Variants in DONSON observed in about 807,000 individuals in gnomAD.
DONSON encodes the protein DNA replication fork stabilization factor DONSON.
A neutral mutation model predicts 62.1 loss-of-function variants in DONSON; 43 were observed. That is an observed-to-expected ratio of 0.69 (90% CI 0.54 to 0.89). DONSON has a LOEUF of 0.89. DONSON is among the 40% of genes least tolerant of loss of function. The pLI, the probability that DONSON is intolerant of heterozygous loss-of-function variation, is 0.00. For synonymous variants in DONSON, 266 were observed against 264.6 expected (o/e 1.01, Z -0.05); for missense variants, 696 against 697.5 (o/e 1.00, Z 0.03).
In DONSON at chr21:33,583,530, A is replaced by G; in HGVS notation, c.922T>C (p.Ser308Pro). 6.2e-7 allele frequency: 1 copy of G among 1,613,840 alleles called. No homozygotes were observed. The highest frequency in any genetic ancestry group is 8.5e-7 in the Non-Finnish European group (1 of 1,179,968). Residue 308 changes from serine to proline, a missense_variant, in exon 5 of 10, where the codon TCT (serine) becomes CCT (proline). Coordinates refer to ENST00000303071, the MANE Select transcript of DONSON (RefSeq NM_017613.4). ...TCTCTTAAACCTCGAGTTGTTGGAG[A>G]TATGAGAGCTGTGATTAAGTCACTT... ...AGSDLITALI[S>P]PTTRGLREAM...
intron 4 of DONSON, among the ~76,000 whole-genome samples, chr21:33,584,014 T>TTA (rs57309977): frequency 0.092 from 11,125 of 121,190 alleles, 544 homozygotes; most frequent in Non-Finnish European, 0.13. Flanking sequence ...GGCTGCGTGT[T>TTA]TATATATATA....
chr21:33,580,239 G>GATGAATGGATGA (rs2086489905), intron 8 of DONSON, among the ~76,000 whole-genome samples: 1 of 146,280 alleles, frequency 6.8e-6, no homozygotes, highest in African/African-American at 2.5e-5. Flanking sequence ...TAAATAGATA[G>GATGAATGGATGA]ATGAATGAAT....
rs1569073099 is a variant in DONSON at position 33,577,672 on chromosome 21, CA to C, written c.*634del. 80 of 101,554 alleles carry C rather than the reference CA, an allele frequency of 7.9e-4. No homozygotes were observed. The highest frequency in any genetic ancestry group is 2.3e-3 in the African/African-American group (52 of 22,868). 6.3% of individuals were successfully genotyped at this position (101,554 alleles called of 1,614,324 possible). A position where few individuals can be genotyped will look rare whatever the true frequency, so the allele number is the denominator to read the frequency against. Reference sequence around the variant, plus strand: ...ACACACACACACACACACACACACACACACACACACACACACACACACACAC... The same window carrying C: ...ACACACACACACACACACACACACACCACACACACACACACACACACACAC... On this transcript the variant is annotated 3_prime_UTR_variant, in exon 10 of 10. Transcript: ENST00000303071.
intron 8 of DONSON, 21 bp downstream of exon 8, chr21:33,581,281 G>T: frequency 3.1e-6 from 5 of 1,609,190 alleles, no homozygotes; most frequent in Non-Finnish European, 3.4e-6. Flanking sequence ...TTAAAAGCTA[G>T]GTTATGCAGA....
intron 2 of DONSON, 54 bp downstream of exon 2, chr21:33,587,468 A>G: frequency 6.6e-7 from 1 of 1,507,278 alleles, no homozygotes; most frequent in Middle Eastern, 2.0e-4. Context: ...CTCAAATCCT[A>G]TGAAAAAAAA....
At position 33,587,596 on chromosome 21, in the gene DONSON, C is replaced by T. The variant is rs77196675; in HGVS notation, c.328G>A (p.Asp110Asn). 6.3e-7 allele frequency: 1 copy of T among 1,586,664 alleles called. No individual in the cohort carries two copies. The highest frequency in any genetic ancestry group is 8.6e-7 in the Non-Finnish European group (1 of 1,169,284). The change falls in exon 2 of 10, where the codon GAT becomes AAT. Residue 110 changes from aspartate (D) to asparagine (N), a missense_variant. Transcript: ENST00000303071. Reference sequence around the variant, plus strand: ...AGCAAATCATTTTCTTGATTAGAATCTAAAAACTGAGGTTAAATATATTCT... The same window carrying T: ...AGCAAATCATTTTCTTGATTAGAATTTAAAAACTGAGGTTAAATATATTCT... The part of the protein sequence containing the change: ...EQPEAPVPFL[D>N]SNQENDLLWE...
chr21:33,580,536 C>T (rs916910827), intron 8 of DONSON, among the ~76,000 whole-genome samples: 4 of 127,304 alleles, frequency 3.1e-5, no homozygotes, highest in East Asian at 5.3e-4. Context: ...GTCCGATACT[C>T]GAGAGGCTGA....
intron 8 of DONSON, among the ~76,000 whole-genome samples, chr21:33,580,811 G>A (rs1230426858): frequency 6.6e-6 from 1 of 152,032 alleles, no homozygotes; most frequent in Non-Finnish European, 1.5e-5. Flanking sequence ...GAACCCCAGA[G>A]TTGGAGGCTG....
chr21:33,588,229 C>T, intron 1 of DONSON, 92 bp downstream of exon 1: 1 of 1,059,490 alleles, frequency 9.4e-7, no homozygotes, highest in Non-Finnish European at 1.2e-6. Flanking sequence ...ATTTCCTTGC[C>T]TCGAACGCGA....
chr21:33,587,328 T>G, intron 2 of DONSON, 194 bp downstream of exon 2: 1 of 983,150 alleles, frequency 1.0e-6, no homozygotes, highest in Non-Finnish European at 1.2e-6. Flanking sequence ...ATCATTACTG[T>G]ATCAAACCAA....
intron 7 of DONSON, 150 bp downstream of exon 7, chr21:33,581,801 G>A (rs1289378970): frequency 1.4e-6 from 1 of 731,534 alleles, no homozygotes; most frequent in Non-Finnish European, 2.3e-6. Flanking sequence ...TTGATACTTA[G>A]GGGCTTATTT....
At chr21:33,582,119 G>A in intron 6 of DONSON, 46 bp downstream of exon 6, 1 of 1,610,836 alleles carries the variant, frequency 6.2e-7, no homozygotes, top group South Asian at 1.1e-5. Flanking sequence ...TCTATTTCAT[G>A]AGTCCATAAG....
chr21:33,577,688 CA>C lies in DONSON; in HGVS notation c.*618del, dbSNP rs374825441. 37 of 112,586 alleles carry C rather than the reference CA, an allele frequency of 3.3e-4. No individual in the cohort carries two copies. Among genetic ancestry groups the C allele is most frequent in the African/African-American group, 6.1e-4 (15 of 24,764 alleles). The allele number at this position is 112,586 out of a possible 1,614,324, so 7.0% of individuals were successfully genotyped here. The stretch of plus-strand genomic sequence containing the variant: ...ACACACACACACACACACACACACA[CA>C]CACACACACACACCCCTATAAGCAC... On this transcript the variant is annotated 3_prime_UTR_variant, in exon 10 of 10. Coordinates refer to ENST00000303071, the MANE Select transcript of DONSON (RefSeq NM_017613.4).
At position 33,581,964 on chromosome 21, in the gene DONSON, G is replaced by T. The variant is rs1251689801; in HGVS notation, c.1138C>A (p.Leu380Ile). ...CTGAAAGGATACAGCTTGATAGAAAGTATGTCTGGCTTTTTAATTTTATCT... is the reference window on the plus strand; with the variant it reads ...CTGAAAGGATACAGCTTGATAGAAATTATGTCTGGCTTTTTAATTTTATCT... ...VQDKIKKPDILSIKLRKEKHE... is the reference protein window; with the variant it reads ...VQDKIKKPDIISIKLRKEKHE... The change falls in exon 7 of 10, where the codon CTT becomes ATT. Residue 380 changes from leucine (L) to isoleucine (I), a missense_variant. Coordinates refer to ENST00000303071, the MANE Select transcript of DONSON (RefSeq NM_017613.4). 1 of 1,614,044 alleles carries T rather than the reference G, an allele frequency of 6.2e-7. No individual in the cohort carries two copies. The highest frequency in any genetic ancestry group is 8.5e-7 in the Non-Finnish European group (1 of 1,179,912).
In DONSON at chr21:33,587,539, C is replaced by G; in HGVS notation, c.385G>C (p.Val129Leu). 1.3e-6 allele frequency: 2 copies of G among 1,596,768 alleles called. No individual in the cohort carries two copies. Among genetic ancestry groups the G allele is most frequent in the Non-Finnish European group, 1.7e-6 (2 of 1,174,472 alleles). Residue 129 changes from valine to leucine, a missense_variant, in exon 2 of 10, where the codon GTT becomes CTT. By Grantham distance (32) the Val-to-Leu change is conservative. Coordinates refer to ENST00000303071, the MANE Select transcript of DONSON (RefSeq NM_017613.4). ...AGTATTACCTGAGGTAATTCAGTAA[C>G]AGTTGTTCTTTCAGGAAACTTCTCT... The part of the protein sequence containing the change: ...WEEKFPERTT[V>L]TELPQTSHVS...
At chr21:33,580,040 CA>C (rs1402197857) in intron 8 of DONSON, among the ~76,000 whole-genome samples, 1 of 151,146 alleles carries the variant, frequency 6.6e-6, no homozygotes, top group Non-Finnish European at 1.5e-5. Flanking sequence ...ATTAAAAATA[CA>C]AAAAAATTAG....
intron 4 of DONSON, among the ~76,000 whole-genome samples, chr21:33,584,129 C>G (rs1182467446): frequency 2.7e-5 from 4 of 149,242 alleles, no homozygotes; most frequent in African/African-American, 9.8e-5. Flanking sequence ...ACTGCAAGCT[C>G]TGCCTCCCAG....
At chr21:33,585,626 C>T (rs2086569163) in intron 3 of DONSON, among the ~76,000 whole-genome samples, 1 of 152,048 alleles carries the variant, frequency 6.6e-6, no homozygotes, top group Non-Finnish European at 1.5e-5. Flanking sequence ...GTAAGAAAAT[C>T]TGTAAATCCA....
intron 7 of DONSON, 58 bp from the exon 8 acceptor site, chr21:33,581,558 T>C: frequency 6.9e-7 from 1 of 1,448,700 alleles, no homozygotes; most frequent in Non-Finnish European, 9.5e-7. Context: ...TGGAAAGCAG[T>C]TATCTTGATT....
Sources: allele counts gnomAD v4.1 joint callset (sites outside exome capture counted in the v4.1 genomes callset), GRCh38; gene constraint gnomAD v4.1.1; transcripts MANE v1.5; gene names NCBI Gene and HGNC (gene_info 2026-07-23, HGNC 2026-07-21).